The following MTSS1 variants were observed in gnomAD, a reference collection of about 807,000 sequenced individuals.
MTSS1 encodes the protein MTSS I-BAR domain containing 1.
A neutral mutation model predicts 79.0 loss-of-function variants in MTSS1; 18 were observed. The observed-to-expected ratio is 0.23, with a 90% CI of 0.16 to 0.34. MTSS1 has a LOEUF of 0.34. Among genes scored for constraint, MTSS1 ranks in the 10% least tolerant of loss-of-function variants. MTSS1 has a pLI of 1.00. For missense variants in MTSS1, 815 were observed against 986.2 expected (o/e 0.83, Z 2.33); for synonymous variants, 341 against 368.6 (o/e 0.93, Z 0.86).
At chr8:124,710,302 C>A (rs1830974064) in intron 1 of MTSS1, among the ~76,000 whole-genome samples, 1 of 152,204 alleles carries the variant, frequency 6.6e-6, no homozygotes, top group African/African-American at 2.4e-5. Flanking sequence ...GAGAACCTGG[C>A]TAATGGTCAC....
At chr8:124,654,933 G>T (rs180751139) in intron 3 of MTSS1, among the ~76,000 whole-genome samples, 1 of 152,274 alleles carries the variant, frequency 6.6e-6, no homozygotes, top group East Asian at 1.9e-4. Flanking sequence ...AGGGTACTGG[G>T]CTCTAGTTTT....
At position 124,553,237 on chromosome 8, in the gene MTSS1, G is replaced by A. The variant is rs918254039; in HGVS notation, c.2023C>T (p.Leu675Phe). ...GGGATACTGGGCTTCGGGCCTGGAAGTGGAGGGTTAACGGAAGCTTGGCCG... is the reference window on the plus strand; with the variant it reads ...GGGATACTGGGCTTCGGGCCTGGAAATGGAGGGTTAACGGAAGCTTGGCCG... ...WSGQASVNPP[L>F]PGPKPSIPEE... The change falls in exon 14 of 14, where the codon CTT (leucine) becomes TTT (phenylalanine). Residue 675 changes from leucine (L) to phenylalanine (F), a missense_variant. Transcript: ENST00000518547. This position sits in a 1 kb window ranked among gnomAD's most constrained non-coding sequence, Gnocchi z 6.0. 6.2e-7 allele frequency: 1 copy of A among 1,614,214 alleles called. No individual in the cohort carries two copies. Among genetic ancestry groups the A allele is most frequent in the Admixed American group, 1.7e-5 (1 of 60,022 alleles).
intron 3 of MTSS1, among the ~76,000 whole-genome samples, chr8:124,592,004 T>C (rs1831961559): frequency 6.6e-6 from 1 of 152,080 alleles, no homozygotes; most frequent in South Asian, 2.1e-4. Flanking sequence ...CAGGCTGGTC[T>C]CGAACTCCTG....
At chr8:124,655,931 T>G (rs975631824) in intron 3 of MTSS1, among the ~76,000 whole-genome samples, 4 of 152,186 alleles carry the variant, frequency 2.6e-5, no homozygotes, top group Admixed American at 1.3e-4. Context: ...GCTGGAAAGA[T>G]GTGTGTATAA....
intron 3 of MTSS1, among the ~76,000 whole-genome samples, chr8:124,612,012 C>A (rs1163299214): frequency 6.6e-6 from 1 of 152,202 alleles, no homozygotes; most frequent in Non-Finnish European, 1.5e-5. Flanking sequence ...CCAAGGTTCC[C>A]AATCAGGAAC....
At chr8:124,657,191 C>T (rs755451564) in intron 3 of MTSS1, among the ~76,000 whole-genome samples, 4 of 152,064 alleles carry the variant, frequency 2.6e-5, no homozygotes, top group Admixed American at 1.3e-4. Context: ...CATGCATCCA[C>T]GTATATGGGT....
intron 3 of MTSS1, among the ~76,000 whole-genome samples, chr8:124,606,348 C>T (rs998698504): frequency 2.0e-5 from 3 of 151,768 alleles, no homozygotes; most frequent in East Asian, 1.9e-4. Flanking sequence ...GGGGTTTCAC[C>T]GTGTTGGCCA....
chr8:124,724,399 G>A (rs952090741), intron 1 of MTSS1, among the ~76,000 whole-genome samples: 5 of 152,150 alleles, frequency 3.3e-5, no homozygotes, highest in Non-Finnish European at 7.4e-5. Flanking sequence ...GCTGGTAACA[G>A]GACACCCCTG....
At chr8:124,603,271 C>T (rs1834240730) in intron 3 of MTSS1, among the ~76,000 whole-genome samples, 1 of 152,184 alleles carries the variant, frequency 6.6e-6, no homozygotes, top group Non-Finnish European at 1.5e-5. Flanking sequence ...AGTGATCTGC[C>T]CGCCTCAGCC....
chr8:124,552,079 C>A lies in MTSS1; in HGVS notation c.*913G>T, dbSNP rs1186586413. 1 of 152,628 alleles carries A rather than the reference C, an allele frequency of 6.6e-6. No individual in the cohort carries two copies. The highest frequency in any genetic ancestry group is 2.4e-5 in the African/African-American group (1 of 41,448). The allele number at this position is 152,628 out of a possible 1,614,324, so 9.5% of individuals were successfully genotyped here. ...TTTAAATGTTTTCACATTTTTAAAA[C>A]TGCCTTACCCTTTTGGATGTATTTG... On this transcript the variant is annotated 3_prime_UTR_variant, in exon 14 of 14. Coordinates refer to ENST00000518547, the MANE Select transcript of MTSS1 (RefSeq NM_014751.6).
At chr8:124,578,018 C>T (rs572817180) in intron 6 of MTSS1, among the ~76,000 whole-genome samples, 1 of 152,248 alleles carries the variant, frequency 6.6e-6, no homozygotes, top group Admixed American at 6.5e-5. Context: ...AACCACTGTG[C>T]CTAGAGGAAA....
At chr8:124,629,023 C>T (rs918624934) in intron 3 of MTSS1, among the ~76,000 whole-genome samples, 14 of 152,192 alleles carry the variant, frequency 9.2e-5, no homozygotes, top group Non-Finnish European at 1.6e-4. Flanking sequence ...ATGAGTTAAT[C>T]ATGAGAGCTC....
At chr8:124,646,586 A>AGAAGACAGAAGAATTTGGATGT (rs1407564983) in intron 3 of MTSS1, among the ~76,000 whole-genome samples, 1 of 152,218 alleles carries the variant, frequency 6.6e-6, no homozygotes, top group Non-Finnish European at 1.5e-5. Context: ...ACTATTACTG[A>AGAAGACAGAAGAATTTGGATGT]GAAGACAGAA....
rs755179797 is a variant in MTSS1 at position 124,553,393 on chromosome 8, C to T, written c.1867G>A (p.Val623Ile). 9.3e-5 allele frequency: 150 copies of T among 1,608,180 alleles called. 1 individual carries two copies. Among genetic ancestry groups the T allele is most frequent in the Admixed American group, 8.5e-4 (51 of 59,838 alleles). ...TPVIPVKTPT[V>I]PDLPGVLPAP... Reference sequence around the variant, plus strand: ...GGCAACACCCCTGGGAGGTCTGGGACGGTTGGGGTCTTGACAGGGATCACG... The same window carrying T: ...GGCAACACCCCTGGGAGGTCTGGGATGGTTGGGGTCTTGACAGGGATCACG... The change falls in exon 14 of 14, where the codon GTC becomes ATC. Residue 623 changes from valine to isoleucine, a missense_variant. Transcript: ENST00000518547. This position sits in a 1 kb window ranked among gnomAD's most constrained non-coding sequence, Gnocchi z 6.0.
At position 124,597,062 on chromosome 8, in the gene MTSS1, C is replaced by T. The variant is rs1046767488; in HGVS notation, c.209-5827G>A. Reference sequence around the variant, plus strand: ...CTTTCTGGGGGTGCGCCGCAGTCCACGGCCCACATCCTACCGTGCAGCAAA... The same window carrying T: ...CTTTCTGGGGGTGCGCCGCAGTCCATGGCCCACATCCTACCGTGCAGCAAA... On this transcript the variant is annotated intron_variant, in intron 3 of 13. Coordinates refer to ENST00000518547, the MANE Select transcript of MTSS1 (RefSeq NM_014751.6). The surrounding 1 kb of genome is among the most constrained non-coding windows in gnomAD (Gnocchi z 4.6). 2.0e-5 allele frequency among the ~76,000 whole-genome samples: 3 copies of T among 152,164 alleles called. No homozygotes were observed. The highest frequency in any genetic ancestry group is 4.8e-5 in the African/African-American group (2 of 41,430).
chr8:124,634,599 G>A (rs996086919), intron 3 of MTSS1, among the ~76,000 whole-genome samples: 2 of 152,026 alleles, frequency 1.3e-5, no homozygotes, highest in African/African-American at 4.8e-5. Context: ...TCACCCTAAG[G>A]GGTTATGACA....
intron 10 of MTSS1, chr8:124,558,884 A>G: frequency 2.0e-6 from 3 of 1,502,814 alleles, no homozygotes; most frequent in Non-Finnish European, 2.7e-6. Context: ...CGAGCCACAC[A>G]CCACCAAAAT....
intron 3 of MTSS1, among the ~76,000 whole-genome samples, chr8:124,592,277 A>C (rs1170262636): frequency 6.6e-6 from 1 of 152,226 alleles, no homozygotes; most frequent in Non-Finnish European, 1.5e-5. Context: ...TGCTTGAATC[A>C]GCATTTACTG....
At position 124,704,202 on chromosome 8, in the gene MTSS1, T is replaced by C. The variant is rs775153994; in HGVS notation, c.73-11A>G. On this transcript the variant is annotated splice_polypyrimidine_tract_variant and intron_variant, in intron 1 of 13. Transcript: ENST00000518547. The stretch of plus-strand genomic sequence containing the variant: ...AACTGGATAGCTCCCCTGCAACACA[T>C]CAAAGACATCAGTAAGTCACACTGC... 1 of 1,612,964 alleles carries C rather than the reference T, an allele frequency of 6.2e-7. No individual in the cohort carries two copies. The highest frequency in any genetic ancestry group is 8.5e-7 in the Non-Finnish European group (1 of 1,179,204).
Sources: gnomAD v4.1 joint callset for allele counts (sites outside exome capture counted in the v4.1 genomes callset) on GRCh38, gnomAD v4.1.1 for gene constraint, Gnocchi (gnomAD v3.1) non-coding constraint, MANE v1.5 for transcripts, NCBI Gene and HGNC (gene_info 2026-07-23, HGNC 2026-07-21) for gene names.